The following PDCD4 variants were observed in gnomAD, a reference collection of about 807,000 sequenced individuals.
PDCD4 encodes programmed cell death 4.
In PDCD4, 56 loss-of-function variants were observed where a neutral mutation model predicts 54.0. The observed-to-expected ratio is 1.04, with a 90% CI of 0.84 to 1.30. PDCD4 has a LOEUF of 1.30. Among genes scored for constraint, PDCD4 ranks in the 50% most tolerant of loss-of-function variants. PDCD4 has a pLI of 0.00. For missense variants in PDCD4, 584 were observed against 559.8 expected (o/e 1.04, Z -0.44); for synonymous variants, 186 against 194.8 (o/e 0.95, Z 0.37).
intron 2 of PDCD4, among the ~76,000 whole-genome samples, chr10:110,877,871 A>G (rs1463346259): frequency 6.6e-6 from 1 of 152,224 alleles, no homozygotes; most frequent in African/African-American, 2.4e-5. Flanking sequence ...GTATAGATTT[A>G]TAATTAGGAT....
Position 110,895,732 on chromosome 10 carries a change from C to A in PDCD4, c.1210-216C>A, listed in dbSNP as rs116574110. On this transcript the variant is annotated intron_variant, in intron 10 of 11. Coordinates refer to ENST00000280154, the MANE Select transcript of PDCD4 (RefSeq NM_014456.5). ...ACCTTCCCTTTTCTCCTCAACCTTGCCAATGTCTGTTATTTCCTGACTCTA... is the reference window on the plus strand; with the variant it reads ...ACCTTCCCTTTTCTCCTCAACCTTGACAATGTCTGTTATTTCCTGACTCTA... Among the ~76,000 whole-genome samples the A allele has an allele frequency of 4.8e-3, 736 of 152,284 alleles. 6 individuals carry two copies. Among genetic ancestry groups the A allele is most frequent in the African/African-American group, 0.017 (695 of 41,562 alleles).
chr10:110,883,026 T>TG lies in PDCD4; in HGVS notation c.374dup (p.Thr126TyrfsTer7). 6.2e-7 allele frequency: 1 copy of TG among 1,600,936 alleles called. No individual in the cohort carries two copies. ...AGGTGGTGCAGGAGGCAAAGGTGTC[T>TG]GGGGTACACCTGGACAGGTGTATGA... is the stretch of plus-strand genomic sequence containing the variant. On this transcript the variant is annotated frameshift_variant, in exon 4 of 12. Transcript: ENST00000280154. LOFTEE classifies it high-confidence loss of function.
chr10:110,878,839 G>A (rs888536341), intron 2 of PDCD4, among the ~76,000 whole-genome samples: 1 of 150,876 alleles, frequency 6.6e-6, no homozygotes, highest in African/African-American at 2.5e-5. Flanking sequence ...TAGGTACCAG[G>A]TAGTGTGGAA....
chr10:110,889,426 A>T, intron 6 of PDCD4, 107 bp from the exon 7 acceptor site: 1 of 726,052 alleles, frequency 1.4e-6, no homozygotes, highest in Non-Finnish European at 2.4e-6. Flanking sequence ...TCTTTTAGGT[A>T]CTGACTGTGT....
intron 3 of PDCD4, among the ~76,000 whole-genome samples, chr10:110,881,933 T>A (rs1845599283): frequency 6.6e-6 from 1 of 152,214 alleles, no homozygotes; most frequent in Non-Finnish European, 1.5e-5. Flanking sequence ...AACGTCTAGA[T>A]CTGAATTTTA....
Position 110,890,609 on chromosome 10 carries a change from G to T in PDCD4, c.929G>T (p.Arg310Leu), listed in dbSNP as rs550404806. 1 of 1,613,474 alleles carries T rather than the reference G, an allele frequency of 6.2e-7. No individual in the cohort carries two copies. The highest frequency in any genetic ancestry group is 8.5e-7 in the Non-Finnish European group (1 of 1,179,672). ...VLLSMSKGGK[R>L]KDSVWGSGGG... ...CTGAGTATGTCTAAAGGTGGAAAGC[G>T]TAAAGATAGTGTGTGGGGCTCTGGA... Residue 310 changes from arginine (R) to leucine (L), a missense_variant, in exon 8 of 12, where the codon CGT (arginine) becomes CTT (leucine). Coordinates refer to ENST00000280154, the MANE Select transcript of PDCD4 (RefSeq NM_014456.5).
chr10:110,873,545 G>GT (rs1303468884), intron 1 of PDCD4, among the ~76,000 whole-genome samples: 2 of 152,192 alleles, frequency 1.3e-5, no homozygotes, highest in Non-Finnish European at 2.9e-5. Flanking sequence ...AAAGAACAGT[G>GT]TTTAATGTCA....
chr10:110,876,662 TTACCTAGGG>T (rs1845510085), intron 2 of PDCD4: 2 of 949,630 alleles, frequency 2.1e-6, no homozygotes, highest in Admixed American at 7.7e-5. Flanking sequence ...ATATTCTAAA[TTACCTAGGG>T]TATTTTCCCT....
At position 110,881,225 on chromosome 10, in the gene PDCD4, T is replaced by C; in HGVS notation, c.44-8T>C. On this transcript the variant is annotated splice_polypyrimidine_tract_variant and splice_region_variant and intron_variant, in intron 2 of 11. Coordinates refer to ENST00000280154, the MANE Select transcript of PDCD4 (RefSeq NM_014456.5). ...CTTAGAATTTTTTTCTTCATTTTTC[T>C]CTTTAAGATCCTGATAACTTAAGTG... The C allele has an allele frequency of 6.3e-7, 1 of 1,591,428 alleles. No individual in the cohort carries two copies. The highest frequency in any genetic ancestry group is 8.6e-7 in the Non-Finnish European group (1 of 1,169,492).
At chr10:110,876,623 T>G (rs766822552) in intron 2 of PDCD4, 111 of 560,278 alleles carry the variant, frequency 2.0e-4, no homozygotes, top group Non-Finnish European at 3.0e-4. Context: ...TACTGGTATC[T>G]TTGGTATCTT....
intron 1 of PDCD4, 118 bp downstream of exon 1, chr10:110,872,136 C>T (rs964681588): frequency 2.6e-5 from 4 of 152,308 alleles, no homozygotes; most frequent in African/African-American, 9.6e-5. Context: ...GGGTCGCGGT[C>T]CTGTCAGGTC....
intron 6 of PDCD4, among the ~76,000 whole-genome samples, chr10:110,888,564 C>T (rs1027150550): frequency 7.2e-5 from 11 of 151,970 alleles, no homozygotes; most frequent in Admixed American, 3.3e-4. Flanking sequence ...AGAAGAAAGG[C>T]CAGCAAAAAC....
chr10:110,894,498 C>T lies in PDCD4; in HGVS notation c.1185C>T (p.Thr395=), dbSNP rs745643729. ...TAAAGTCCCTTTGGAAGTCTTCTAC[C>T]ATTACTGTAGACCAAATGAAAAGAG... ...DLLKSLWKSS[T]ITVDQMKRGY... is the part of the protein sequence containing the mutation. Residue 395 remains threonine, a synonymous_variant, in exon 10 of 12, where the codon ACC becomes ACT. Coordinates refer to ENST00000280154, the MANE Select transcript of PDCD4 (RefSeq NM_014456.5). 6.7e-7 allele frequency: 1 copy of T among 1,500,776 alleles called. No homozygotes were observed. Among genetic ancestry groups the T allele is most frequent in the Admixed American group, 1.7e-5 (1 of 59,592 alleles). The allele number at this position is 1,500,776 out of a possible 1,614,324, so 93.0% of individuals were successfully genotyped here. A position where few individuals can be genotyped will look rare whatever the true frequency, so the allele number is the denominator to read the frequency against.
intron 7 of PDCD4, 32 bp from the exon 8 acceptor site, chr10:110,890,524 T>C (rs1213431535): frequency 2.3e-6 from 3 of 1,323,514 alleles, no homozygotes; most frequent in Admixed American, 1.8e-5. Context: ...TATGTCCAGC[T>C]ATCAAACTTA....
At chr10:110,888,009 C>T (rs1193967453) in intron 6 of PDCD4, 123 bp downstream of exon 6, 5 of 587,458 alleles carry the variant, frequency 8.5e-6, no homozygotes, top group Admixed American at 6.6e-5. Context: ...CCTACGACAC[C>T]GAAATATTCC....
chr10:110,896,078 G>A lies in PDCD4; in HGVS notation c.1340G>A (p.Cys447Tyr). The change falls in exon 11 of 12, where the codon TGT becomes TAT. Residue 447 changes from cysteine to tyrosine, a missense_variant. By Grantham distance (194) the Cys-to-Tyr change is radical. Coordinates refer to ENST00000280154, the MANE Select transcript of PDCD4 (RefSeq NM_014456.5). ...ATTTCCAAACAACTCAGAGATCTTT[G>A]TCCTTCAAGGTACTTTATTTAAATA... ...GIISKQLRDLCPSRGRKRFVS... is the reference protein window; with the variant it reads ...GIISKQLRDLYPSRGRKRFVS... The A allele has an allele frequency of 6.3e-7, 1 of 1,598,318 alleles. No individual in the cohort carries two copies.
Position 110,887,754 on chromosome 10 carries a change from T to G in PDCD4, c.645T>G (p.His215Gln), listed in dbSNP as rs1554849129. 5 of 1,613,308 alleles carry G rather than the reference T, an allele frequency of 3.1e-6. No homozygotes were observed. Among genetic ancestry groups the G allele is most frequent in the East Asian group, 4.5e-5 (2 of 44,850 alleles). ...TAGCATTGGAGGGGAAGGCTAGTCATAGAGAGATGACATCTAAGCTTCTTT... is the reference window on the plus strand; with the variant it reads ...TAGCATTGGAGGGGAAGGCTAGTCAGAGAGAGATGACATCTAAGCTTCTTT... ...VSLALEGKAS[H>Q]REMTSKLLSD... The change falls in exon 6 of 12, where the codon CAT becomes CAG. Residue 215 changes from histidine to glutamine, a missense_variant. By Grantham distance (24) the His-to-Gln change is conservative. Coordinates refer to ENST00000280154, the MANE Select transcript of PDCD4 (RefSeq NM_014456.5).
chr10:110,872,438 A>G (rs1845427467), intron 1 of PDCD4, among the ~76,000 whole-genome samples: 1 of 151,918 alleles, frequency 6.6e-6, no homozygotes, highest in Non-Finnish European at 1.5e-5. Context: ...TCCTGTGAGG[A>G]AGATTCGCGC....
intron 1 of PDCD4, among the ~76,000 whole-genome samples, chr10:110,874,179 A>AT: frequency 6.6e-6 from 1 of 152,350 alleles, no homozygotes; most frequent in South Asian, 2.1e-4. Context: ...GTAAGGTGGA[A>AT]TACCTACCCG....
Sources: allele counts gnomAD v4.1 joint callset (sites outside exome capture counted in the v4.1 genomes callset), GRCh38; gene constraint gnomAD v4.1.1; transcripts MANE v1.5; gene names NCBI Gene and HGNC (gene_info 2026-07-23, HGNC 2026-07-21).